The following BDP1 variants were observed in gnomAD, a reference collection of about 807,000 sequenced individuals.
BDP1 encodes the protein transcription factor TFIIIB component B'' homolog.
Under a neutral mutation model 266.6 loss-of-function variants are expected in BDP1, and 169 were observed. The observed-to-expected ratio is 0.63, with a 90% CI of 0.56 to 0.72. The LOEUF (loss-of-function observed/expected upper bound fraction) is 0.72, where lower values mean the gene tolerates loss of function less well. BDP1 is among the 30% of genes least tolerant of loss of function. The pLI is 0.00. For missense variants in BDP1, 3,015 were observed against 3,053.8 expected (o/e 0.99, Z 0.30); for synonymous variants, 1,090 against 1,022.4 (o/e 1.07, Z -1.26).
intron 18 of BDP1, among the ~76,000 whole-genome samples, chr5:71,512,747 T>G (rs897706691): frequency 1.3e-5 from 2 of 152,174 alleles, no homozygotes; most frequent in African/African-American, 2.4e-5. Flanking sequence ...TAGTTCGATT[T>G]GTTTTCCTGT....
intron 22 of BDP1, among the ~76,000 whole-genome samples, chr5:71,522,052 ATAT>A (rs949548407): frequency 1.3e-5 from 2 of 152,152 alleles, no homozygotes; most frequent in African/African-American, 4.8e-5. Context: ...AAAAAGATTA[ATAT>A]TATTGTAAAA....
At chr5:71,518,537 A>C (rs1205293931) in intron 22 of BDP1, among the ~76,000 whole-genome samples, 1 of 151,958 alleles carries the variant, frequency 6.6e-6, no homozygotes, top group Non-Finnish European at 1.5e-5. Flanking sequence ...TGCAGCCTCA[A>C]CTTCCTGGGC....
chr5:71,533,468 ATT>A (rs35347206), intron 26 of BDP1, among the ~76,000 whole-genome samples: 5 of 124,776 alleles, frequency 4.0e-5, no homozygotes, highest in Admixed American at 8.6e-5. Context: ...TGTTCGGTGG[ATT>A]TTTTTTTTTT....
intron 31 of BDP1, among the ~76,000 whole-genome samples, chr5:71,544,743 G>C (rs1474739734): frequency 6.6e-6 from 1 of 151,876 alleles, no homozygotes; most frequent in South Asian, 2.1e-4. Flanking sequence ...AGCCGGGCGT[G>C]GTGGCGGGCG....
intron 7 of BDP1, among the ~76,000 whole-genome samples, chr5:71,483,017 A>AC (rs1763049175): frequency 2.0e-5 from 3 of 152,268 alleles, no homozygotes; most frequent in Non-Finnish European, 4.4e-5. Context: ...TGATTGCTTT[A>AC]CAAGTCATAT....
chr5:71,521,259 G>GTT (rs1159500360), intron 22 of BDP1, among the ~76,000 whole-genome samples: 1 of 148,048 alleles, frequency 6.8e-6, no homozygotes, highest in East Asian at 2.0e-4. Flanking sequence ...TATATATCCA[G>GTT]TTATTCTTTA....
chr5:71,498,070 C>T (rs534173982), intron 13 of BDP1, among the ~76,000 whole-genome samples: 10 of 151,762 alleles, frequency 6.6e-5, no homozygotes, highest in South Asian at 4.2e-4. Context: ...CCTGCCTCAG[C>T]CTCCTGAGTA....
At position 71,567,695 on chromosome 5, in the gene BDP1, A is replaced by G. The variant is rs989765541; in HGVS notation, c.*2810A>G. On this transcript the variant is annotated 3_prime_UTR_variant, in exon 39 of 39. Coordinates refer to ENST00000358731, the MANE Select transcript of BDP1 (RefSeq NM_018429.3). ...TTATTTGAAACAAAAGTGACCATGT[A>G]TACTATCTTGCTTGAAGAAGTCTTT... 5 of 152,646 alleles carry G rather than the reference A, an allele frequency of 3.3e-5. No homozygotes were observed. Among genetic ancestry groups the G allele is most frequent in the Non-Finnish European group, 7.3e-5 (5 of 68,036 alleles). The allele number at this position is 152,646 out of a possible 1,614,324, so 9.5% of individuals were successfully genotyped here.
chr5:71,547,495 C>T (rs1742420593), intron 32 of BDP1, among the ~76,000 whole-genome samples: 1 of 152,138 alleles, frequency 6.6e-6, no homozygotes, highest in African/African-American at 2.4e-5. Flanking sequence ...TAGAATGGTA[C>T]CTACCAGATT....
At chr5:71,471,755 TTACTC>T (rs1213095295) in intron 7 of BDP1, among the ~76,000 whole-genome samples, 2 of 152,208 alleles carry the variant, frequency 1.3e-5, no homozygotes, top group Non-Finnish European at 2.9e-5. Context: ...AGTGAGATCT[TTACTC>T]AACCATGGGC....
chr5:71,511,156 G>A lies in BDP1; in HGVS notation c.4059+5G>A, dbSNP rs1178981424. 1 of 1,587,316 alleles carries A rather than the reference G, an allele frequency of 6.3e-7. No homozygotes were observed. The highest frequency in any genetic ancestry group is 1.2e-5 in the South Asian group (1 of 85,638). On this transcript the variant is annotated splice_donor_5th_base_variant and intron_variant, in intron 17 of 38. Coordinates refer to ENST00000358731, the MANE Select transcript of BDP1 (RefSeq NM_018429.3). Reference sequence around the variant, plus strand: ...GTGCCTTCACTAGATATTCAGGTATGTATTTTTCTGTCCTTTAAAAGTTTT... The same window carrying A: ...GTGCCTTCACTAGATATTCAGGTATATATTTTTCTGTCCTTTAAAAGTTTT...
chr5:71,506,113 T>G (rs1410613054), intron 16 of BDP1, among the ~76,000 whole-genome samples: 1 of 152,200 alleles, frequency 6.6e-6, no homozygotes, highest in Non-Finnish European at 1.5e-5. Flanking sequence ...AGCTAACAAA[T>G]TATTCTTTTT....
Position 71,510,234 on chromosome 5 carries a change from G to C in BDP1, c.3142G>C (p.Glu1048Gln). The change falls in exon 17 of 39, where the codon GAA (glutamate) becomes CAA (glutamine). Residue 1048 changes from glutamate (E) to glutamine (Q), a missense_variant. Transcript: ENST00000358731. ...EETEREVSPQ[E>Q]NGLEEVKPLG... ...AACTGAAAGAGAAGTATCCCCACAGGAAAATGGACTAGAGGAGGTCAAGCC... is the reference window on the plus strand; with the variant it reads ...AACTGAAAGAGAAGTATCCCCACAGCAAAATGGACTAGAGGAGGTCAAGCC... 1 of 1,612,970 alleles carries C rather than the reference G, an allele frequency of 6.2e-7. No homozygotes were observed. The highest frequency in any genetic ancestry group is 8.5e-7 in the Non-Finnish European group (1 of 1,179,766).
At chr5:71,572,045 C>T (rs1371017801), downstream of BDP1, among the ~76,000 whole-genome samples, 2 of 152,180 alleles carry the variant, frequency 1.3e-5, no homozygotes, top group African/African-American at 2.4e-5. Flanking sequence ...TGAGGGCCAT[C>T]GCTCCCTGGC....
chr5:71,509,951 G>A lies in BDP1; in HGVS notation c.2859G>A (p.Val953=), dbSNP rs1764805963. 1 of 1,613,850 alleles carries A rather than the reference G, an allele frequency of 6.2e-7. No homozygotes were observed. Among genetic ancestry groups the A allele is most frequent in the Non-Finnish European group, 8.5e-7 (1 of 1,179,978 alleles). The change falls in exon 17 of 39, where the codon GTG becomes GTA. Residue 953 remains valine (V), a synonymous_variant. Coordinates refer to ENST00000358731, the MANE Select transcript of BDP1 (RefSeq NM_018429.3). ...AGGAGGTTAAGCCTCTAGGTGAAGT[G>A]GAGACAGATTTGAAAGCAACTGGAA... ...GPEEVKPLGE[V]ETDLKATGNE...
intron 25 of BDP1, among the ~76,000 whole-genome samples, chr5:71,529,955 G>T (rs1227222251): frequency 4.6e-5 from 7 of 152,174 alleles, no homozygotes; most frequent in Non-Finnish European, 1.0e-4. Flanking sequence ...GTTTATTTTT[G>T]AAGTGACAAA....
intron 25 of BDP1, among the ~76,000 whole-genome samples, chr5:71,530,215 C>A (rs2150531007): frequency 1.3e-5 from 2 of 151,732 alleles, no homozygotes; most frequent in African/African-American, 4.8e-5. Flanking sequence ...TTTTTTGTTA[C>A]ATTTATTTAT....
Position 71,562,463 on chromosome 5 carries a change from T to C in BDP1, c.7686T>C (p.Leu2562=). The C allele has an allele frequency of 6.2e-7, 1 of 1,613,944 alleles. No homozygotes were observed. The highest frequency in any genetic ancestry group is 8.5e-7 in the Non-Finnish European group (1 of 1,179,854). Reference sequence around the variant, plus strand: ...AAAATCGAGAGTCCTCTGATCTGCTTCCATCTCCAAGTGTTATTACTACTC... The same window carrying C: ...AAAATCGAGAGTCCTCTGATCTGCTCCCATCTCCAAGTGTTATTACTACTC... ...QEKNRESSDL[L]PSPSVITTQS... The change falls in exon 38 of 39, where the codon CTT becomes CTC. Residue 2562 remains leucine, a synonymous_variant. Coordinates refer to ENST00000358731, the MANE Select transcript of BDP1 (RefSeq NM_018429.3).
rs759645314 is a variant in BDP1 at position 71,516,081 on chromosome 5, T to C, written c.4670T>C (p.Phe1557Ser). The C allele has an allele frequency of 3.7e-6, 6 of 1,607,732 alleles. No individual in the cohort carries two copies. The highest frequency in any genetic ancestry group is 1.3e-5 in the African/African-American group (1 of 74,782). The change falls in exon 21 of 39, where the codon TTC becomes TCC. Residue 1557 changes from phenylalanine to serine, a missense_variant. By Grantham distance (155) the Phe-to-Ser change is radical (BLOSUM62 -2). This residue lies in a region of BDP1 where 2,383 missense variants were observed against 2,404.9 expected (regional missense o/e 0.99). Transcript: ENST00000358731. ...TTTAGGACTAATAATGTAAACACTTTCCAGCAAGAAATGAAGGAAAGTGTT... is the reference window on the plus strand; with the variant it reads ...TTTAGGACTAATAATGTAAACACTTCCCAGCAAGAAATGAAGGAAAGTGTT... ...VSVGTNNVNT[F>S]QQEMKESVIQ...
Sources: gnomAD v4.1 joint callset for allele counts (sites outside exome capture counted in the v4.1 genomes callset) on GRCh38, gnomAD v4.1.1 for gene constraint, gnomAD v4.1.1 regional missense constraint, MANE v1.5 for transcripts, NCBI Gene and HGNC (gene_info 2026-07-23, HGNC 2026-07-21) for gene names.